The following GOLPH3 variants were observed in gnomAD, a reference collection of about 807,000 sequenced individuals.
GOLPH3 encodes the protein golgi phosphoprotein 3, also known as coat protein GPP34.
GOLPH3 carries 14 observed loss-of-function variants against 28.5 expected under a neutral mutation model. The ratio of observed to expected loss-of-function variants is 0.49; its 90% CI spans 0.32 to 0.77. The LOEUF (loss-of-function observed/expected upper bound fraction) is 0.77, where lower values mean the gene tolerates loss of function less well. Among genes scored for constraint, GOLPH3 ranks in the 30% least tolerant of loss-of-function variants. The pLI, the probability that GOLPH3 is intolerant of heterozygous loss-of-function variation, is 0.03. For synonymous variants in GOLPH3, 158 were observed against 159.2 expected (o/e 0.99, Z 0.06); for missense variants, 350 against 393.7 (o/e 0.89, Z 0.94).
intron 3 of GOLPH3, 64 bp from the exon 4 acceptor site, chr5:32,126,700 G>A: frequency 1.5e-6 from 2 of 1,312,470 alleles, no homozygotes. Context: ...CAAAAATTTT[G>A]TACTATTAAA....
intron 3 of GOLPH3, among the ~76,000 whole-genome samples, chr5:32,131,665 T>C (rs1346964719): frequency 6.6e-6 from 1 of 152,228 alleles, no homozygotes; most frequent in Non-Finnish European, 1.5e-5. Flanking sequence ...AATGAATCTA[T>C]TCATAGTTTA....
chr5:32,169,572 TAA>T (rs1036754297), intron 1 of GOLPH3, among the ~76,000 whole-genome samples: 2 of 152,180 alleles, frequency 1.3e-5, no homozygotes, highest in Non-Finnish European at 2.9e-5. Flanking sequence ...CTTAAAAGAC[TAA>T]GATTTGCCAC....
At chr5:32,164,731 A>T (rs1418102547) in intron 1 of GOLPH3, among the ~76,000 whole-genome samples, 2 of 151,810 alleles carry the variant, frequency 1.3e-5, no homozygotes, top group African/African-American at 2.4e-5. Flanking sequence ...CCCAGAACCA[A>T]GTTTCACTCC....
chr5:32,148,754 G>A (rs897030550), intron 1 of GOLPH3, among the ~76,000 whole-genome samples: 6 of 152,120 alleles, frequency 3.9e-5, no homozygotes, highest in African/African-American at 7.2e-5. Context: ...GCGAGATCGC[G>A]CCAATGCACT....
At chr5:32,158,404 A>G (rs1746502831) in intron 1 of GOLPH3, among the ~76,000 whole-genome samples, 1 of 151,514 alleles carries the variant, frequency 6.6e-6, no homozygotes, top group South Asian at 2.1e-4. Flanking sequence ...TTTGTTCACA[A>G]CTCCTGCCCT....
chr5:32,173,734 C>G (rs1746905865), intron 1 of GOLPH3, 76 bp downstream of exon 1: 6 of 1,097,654 alleles, frequency 5.5e-6, no homozygotes, highest in South Asian at 6.4e-5. Context: ...CGGGCGCTCA[C>G]CTGGCACCTA....
At chr5:32,162,854 G>A (rs112150368) in intron 1 of GOLPH3, among the ~76,000 whole-genome samples, 3,562 of 152,106 alleles carry the variant, frequency 0.023, 123 homozygotes, top group African/African-American at 0.076. Flanking sequence ...AGAGGCGGGC[G>A]GATCACGAGG....
intron 1 of GOLPH3, among the ~76,000 whole-genome samples, chr5:32,166,971 G>A (rs1746729734): frequency 6.6e-6 from 1 of 151,882 alleles, no homozygotes; most frequent in Non-Finnish European, 1.5e-5. Context: ...TTAGAAGGGG[G>A]GGGGAGTTTG....
At chr5:32,140,105 T>C (rs531237543) in intron 2 of GOLPH3, among the ~76,000 whole-genome samples, 1 of 150,530 alleles carries the variant, frequency 6.6e-6, no homozygotes, top group East Asian at 2.0e-4. Context: ...GCATAATGAA[T>C]TTAAAATGAC....
intron 3 of GOLPH3, among the ~76,000 whole-genome samples, chr5:32,133,432 G>A (rs141445511): frequency 6.6e-6 from 1 of 152,184 alleles, no homozygotes; most frequent in Non-Finnish European, 1.5e-5. Flanking sequence ...GGTCAGCTGG[G>A]AACCAAATTA....
chr5:32,148,149 C>A (rs930799219), intron 1 of GOLPH3, among the ~76,000 whole-genome samples: 1 of 152,140 alleles, frequency 6.6e-6, no homozygotes, highest in African/African-American at 2.4e-5. Flanking sequence ...GACAGCTTAG[C>A]CCTTATCAAC....
intron 1 of GOLPH3, among the ~76,000 whole-genome samples, chr5:32,149,277 A>G (rs1435176339): frequency 6.6e-6 from 1 of 152,252 alleles, no homozygotes; most frequent in East Asian, 1.9e-4. Context: ...CATACACGGA[A>G]TAGCATGTTT....
intron 1 of GOLPH3, among the ~76,000 whole-genome samples, chr5:32,152,578 T>C (rs1746331542): frequency 1.3e-5 from 2 of 148,798 alleles, no homozygotes. Context: ...GGTCAGGAGT[T>C]CGAGACCAGC....
intron 1 of GOLPH3, among the ~76,000 whole-genome samples, chr5:32,146,095 C>T (rs151283264): frequency 3.9e-4 from 60 of 151,906 alleles, no homozygotes; most frequent in African/African-American, 1.3e-3. Context: ...AATTCCAGAC[C>T]CCTGGGCAAC....
chr5:32,170,021 G>C (rs972395753), intron 1 of GOLPH3, among the ~76,000 whole-genome samples: 1 of 151,134 alleles, frequency 6.6e-6, no homozygotes, highest in Non-Finnish European at 1.5e-5. Flanking sequence ...TCTGAAGCCA[G>C]ACCATCTGCT....
Position 32,167,708 on chromosome 5 carries a change from T to A in GOLPH3, c.225+6102A>T, listed in dbSNP as rs574535677. ...GCTCACACCTGTAATCCCAGAACTT[T>A]GGGAGGCCAAGGCGGGAAGATTGCT... On this transcript the variant is annotated intron_variant, in intron 1 of 3. Coordinates refer to ENST00000265070, the MANE Select transcript of GOLPH3 (RefSeq NM_022130.4). 2.0e-5 allele frequency among the ~76,000 whole-genome samples: 3 copies of A among 148,142 alleles called. No homozygotes were observed. The East Asian group carries it at 6.0e-4, about 30-fold the overall frequency.
At chr5:32,161,168 C>T (rs997190851) in intron 1 of GOLPH3, among the ~76,000 whole-genome samples, 11 of 148,416 alleles carry the variant, frequency 7.4e-5, no homozygotes, top group Non-Finnish European at 1.5e-4. Flanking sequence ...TTTGGGAGGA[C>T]GAGGAGGGAG....
At chr5:32,163,673 TA>T (rs541477503) in intron 1 of GOLPH3, among the ~76,000 whole-genome samples, 5,651 of 99,688 alleles carry the variant, frequency 0.057, 209 homozygotes, top group African/African-American at 0.13. Context: ...CATATATATA[TA>T]TATTTTTTTT....
At chr5:32,162,665 A>C (rs1581556217) in intron 1 of GOLPH3, among the ~76,000 whole-genome samples, 1 of 152,242 alleles carries the variant, frequency 6.6e-6, no homozygotes, top group African/African-American at 2.4e-5. Context: ...ACTTTAACTT[A>C]CTTCTCTAGG....
Sources: allele counts gnomAD v4.1 joint callset (sites outside exome capture counted in the v4.1 genomes callset), GRCh38; gene constraint gnomAD v4.1.1; transcripts MANE v1.5; gene names NCBI Gene and HGNC (gene_info 2026-07-23, HGNC 2026-07-21).